Variants in MBD2 observed in about 807,000 individuals in gnomAD.
MBD2 encodes methyl-CpG-binding domain protein 2.
MBD2 carries 9 observed loss-of-function variants against 39.3 expected under a neutral mutation model. That is an observed-to-expected ratio of 0.23 (90% CI 0.14 to 0.40). The LOEUF (loss-of-function observed/expected upper bound fraction) is 0.40, where lower values mean the gene tolerates loss of function less well. Among genes scored for constraint, MBD2 ranks in the 10% least tolerant of loss-of-function variants. MBD2 has a pLI of 1.00. For missense variants in MBD2, 458 were observed against 532.6 expected (o/e 0.86, Z 1.38); for synonymous variants, 233 against 211.1 (o/e 1.10, Z -0.90).
At chr18:54,212,217 T>A (rs1256764700) in intron 1 of MBD2, among the ~76,000 whole-genome samples, 1 of 152,150 alleles carries the variant, frequency 6.6e-6, no homozygotes, top group Non-Finnish European at 1.5e-5. Flanking sequence ...TGGTCCATAA[T>A]GCATGATGCT....
intron 3 of MBD2, among the ~76,000 whole-genome samples, chr18:54,178,494 TAA>T (rs1467597801): frequency 1.3e-5 from 2 of 151,054 alleles, no homozygotes; most frequent in South Asian, 4.2e-4. Context: ...GATTTAAAAA[TAA>T]AGAGACTCAG....
At position 54,224,219 on chromosome 18, in the gene MBD2, C is replaced by A; in HGVS notation, c.341G>T (p.Gly114Val). ...LGGDGGGCGGGGSGGGGAPRR... is the reference protein window; with the variant it reads ...LGGDGGGCGGVGSGGGGAPRR... The stretch of plus-strand genomic sequence containing the variant: ...GGGGGCGCCGCCGCCACCGCTGCCG[C>A]CGCCGCCGCAGCCGCCGCCGTCGCC... Residue 114 changes from glycine (G) to valine (V), a missense_variant, in exon 1 of 7, where the codon GGC (glycine) becomes GTC (valine). Gly to Val is a moderately radical substitution (Grantham distance 109). This residue lies in a region of MBD2 where 269 missense variants were observed against 236.0 expected (regional missense o/e 1.14). Transcript: ENST00000256429. 9.0e-7 allele frequency: 1 copy of A among 1,108,734 alleles called. No homozygotes were observed. Among genetic ancestry groups the A allele is most frequent in the East Asian group, 4.7e-5 (1 of 21,266 alleles). 68.7% of individuals were successfully genotyped at this position (1,108,734 alleles called of 1,614,324 possible). A position where few individuals can be genotyped will look rare whatever the true frequency, so the allele number is the denominator to read the frequency against.
At chr18:54,162,721 T>C (rs1416584197) in intron 5 of MBD2, among the ~76,000 whole-genome samples, 2 of 152,188 alleles carry the variant, frequency 1.3e-5, no homozygotes, top group African/African-American at 4.8e-5. Context: ...TCCTCAAGGG[T>C]AAGAACAATC....
chr18:54,172,117 T>A (rs190345816), intron 3 of MBD2, among the ~76,000 whole-genome samples: 1 of 152,218 alleles, frequency 6.6e-6, no homozygotes, highest in Non-Finnish European at 1.5e-5. Context: ...TAAGTCTCAA[T>A]TGTAGGTGAT....
intron 3 of MBD2, among the ~76,000 whole-genome samples, chr18:54,167,211 G>T (rs2086140446): frequency 6.6e-6 from 1 of 152,174 alleles, no homozygotes; most frequent in African/African-American, 2.4e-5. Flanking sequence ...ACTGAAAATG[G>T]GAGCAACTGG....
rs539697054 is a variant in MBD2, at chr18:54,162,480, A to C, written c.1109+2043T>G. On this transcript the variant is annotated intron_variant, in intron 5 of 6. Transcript: ENST00000256429. The stretch of plus-strand genomic sequence containing the variant: ...TTCCTAATTTCCGTCATGACAATTA[A>C]ATCAAATGAGCAATTTGTTAGACAA... 2.6e-5 allele frequency among the ~76,000 whole-genome samples: 4 copies of C among 152,346 alleles called. No individual in the cohort carries two copies. In the East Asian group the frequency reaches 7.7e-4, roughly 29 times the overall value.
Position 54,205,063 on chromosome 18 carries a change from T to C in MBD2, c.637A>G (p.Met213Val). The change falls in exon 2 of 7, where the codon ATG becomes GTG. Residue 213 changes from methionine to valine, a missense_variant. Met to Val is a conservative substitution (Grantham distance 21). Around this residue, in one of 2 missense-constraint regions of MBD2, gnomAD observed 189 missense variants for 296.6 expected, o/e 0.64. Transcript: ENST00000256429. Reference sequence around the variant, plus strand: ...TTCTTCTGTAATTTACTAGGCATCATCTTTCCAGTTCTGAAGTCAAAACTG... The same window carrying C: ...TTCTTCTGTAATTTACTAGGCATCACCTTTCCAGTTCTGAAGTCAAAACTG... ...LSSFDFRTGK[M>V]MPSKLQKNKQ... 6.2e-7 allele frequency: 1 copy of C among 1,614,072 alleles called. No homozygotes were observed. Among genetic ancestry groups the C allele is most frequent in the Non-Finnish European group, 8.5e-7 (1 of 1,179,942 alleles).
rs781770658 is a variant in MBD2 at position 54,166,987 on chromosome 18, T to TAC, written c.841-823_841-822dup. 5.3e-5 allele frequency among the ~76,000 whole-genome samples: 8 copies of TAC among 152,340 alleles called. No individual in the cohort carries two copies. In the East Asian group the frequency reaches 1.2e-3, roughly 22 times the overall value. On this transcript the variant is annotated intron_variant, in intron 3 of 6. Coordinates refer to ENST00000256429, the MANE Select transcript of MBD2 (RefSeq NM_003927.5). The stretch of plus-strand genomic sequence containing the variant: ...ATTCAACATATCTTTATTGAGCTCC[T>TAC]ACTAGGTGCTGTGCTCACCCTGCAG...
At chr18:54,180,050 C>T (rs1206111671) in intron 3 of MBD2, among the ~76,000 whole-genome samples, 1 of 151,952 alleles carries the variant, frequency 6.6e-6, no homozygotes, top group Non-Finnish European at 1.5e-5. Context: ...AGAGTCAATA[C>T]ACAAAATCAA....
chr18:54,212,204 A>G (rs1470636916), intron 1 of MBD2, among the ~76,000 whole-genome samples: 4 of 152,044 alleles, frequency 2.6e-5, no homozygotes, highest in Non-Finnish European at 4.4e-5. Flanking sequence ...CATGTCTTCT[A>G]CTTGGTCCAT....
chr18:54,166,054 C>T (rs2086129482), intron 4 of MBD2, 22 bp downstream of exon 4: 1 of 1,523,678 alleles, frequency 6.6e-7, no homozygotes, highest in African/African-American at 1.4e-5. Flanking sequence ...TAAATGTCTG[C>T]TCAACTGAAC....
intron 3 of MBD2, among the ~76,000 whole-genome samples, chr18:54,178,110 T>A (rs181557882): frequency 4.6e-5 from 7 of 152,178 alleles, no homozygotes; most frequent in Admixed American, 3.9e-4. Flanking sequence ...CCAAAGTGCT[T>A]GGATTACAGG....
chr18:54,208,751 C>T (rs957047879), intron 1 of MBD2, among the ~76,000 whole-genome samples: 2 of 152,170 alleles, frequency 1.3e-5, no homozygotes, highest in Middle Eastern at 3.2e-3. Context: ...AGTTCCTTAT[C>T]TTAAAGTTGA....
intron 1 of MBD2, among the ~76,000 whole-genome samples, chr18:54,220,232 T>G (rs1455042424): frequency 6.6e-6 from 1 of 152,178 alleles, no homozygotes; most frequent in African/African-American, 2.4e-5. Flanking sequence ...GTAGACAAGT[T>G]AGAAAGTTAT....
intron 3 of MBD2, among the ~76,000 whole-genome samples, chr18:54,183,465 A>G (rs2086264344): frequency 6.6e-6 from 1 of 152,202 alleles, no homozygotes; most frequent in South Asian, 2.1e-4. Context: ...AAAAGTATGA[A>G]GGAAAACAAA....
chr18:54,170,552 T>C (rs1568080543), intron 3 of MBD2, among the ~76,000 whole-genome samples: 1 of 152,212 alleles, frequency 6.6e-6, no homozygotes. Flanking sequence ...TTGTACTCTT[T>C]AGTGAAGAAC....
chr18:54,224,223 C>A lies in MBD2; in HGVS notation c.337G>T (p.Gly113Cys). The A allele has an allele frequency of 3.8e-6, 4 of 1,053,822 alleles. No individual in the cohort carries two copies. The highest frequency in any genetic ancestry group is 4.6e-6 in the Non-Finnish European group (4 of 875,450). 65.3% of individuals were successfully genotyped at this position (1,053,822 alleles called of 1,614,324 possible). A position where few individuals can be genotyped will look rare whatever the true frequency, so the allele number is the denominator to read the frequency against. ...GLGGDGGGCG[G>C]GGSGGGGAPR... ...GCGCCGCCGCCACCGCTGCCGCCGC[C>A]GCCGCAGCCGCCGCCGTCGCCGCCA... Residue 113 changes from glycine (G) to cysteine (C), a missense_variant, in exon 1 of 7, where the codon GGC becomes TGC. This residue lies in a region of MBD2 where 269 missense variants were observed against 236.0 expected (regional missense o/e 1.14). Coordinates refer to ENST00000256429, the MANE Select transcript of MBD2 (RefSeq NM_003927.5).
chr18:54,180,894 TTTCTTTTTC>T, intron 3 of MBD2, among the ~76,000 whole-genome samples: 2 of 110,220 alleles, frequency 1.8e-5, no homozygotes, highest in African/African-American at 7.6e-5. Context: ...TCCTTAATTT[TTTCTTTTTC>T]TTTTTTTTTT....
intron 1 of MBD2, among the ~76,000 whole-genome samples, chr18:54,207,067 A>C (rs1460949975): frequency 6.6e-6 from 1 of 152,154 alleles, no homozygotes; most frequent in East Asian, 1.9e-4. Flanking sequence ...ATCCAGTACC[A>C]AGTTCTAAAT....
Sources: gnomAD v4.1 joint callset for allele counts (sites outside exome capture counted in the v4.1 genomes callset) on GRCh38, gnomAD v4.1.1 for gene constraint, gnomAD v4.1.1 regional missense constraint, MANE v1.5 for transcripts, NCBI Gene and HGNC (gene_info 2026-07-23, HGNC 2026-07-21) for gene names.